The following RBMS3 variants were observed in gnomAD, a reference collection of about 807,000 sequenced individuals.
The protein encoded by RBMS3 is RNA-binding motif, single-stranded-interacting protein 3.
Under a neutral mutation model 66.8 loss-of-function variants are expected in RBMS3, and 27 were observed. That is an observed-to-expected ratio of 0.40 (90% CI 0.30 to 0.56). RBMS3 has a LOEUF of 0.56. Ranked by LOEUF, RBMS3 falls within the 20% of genes least tolerant of loss-of-function variation. The pLI is 0.40. For missense variants in RBMS3, 513 were observed against 549.5 expected (o/e 0.93, Z 0.66); for synonymous variants, 188 against 183.0 (o/e 1.03, Z -0.22).
chr3:29,775,721 C>T (rs910952936), intron 6 of RBMS3, among the ~76,000 whole-genome samples: 1 of 151,832 alleles, frequency 6.6e-6, no homozygotes, highest in Non-Finnish European at 1.5e-5. Flanking sequence ...TAAGTACGTA[C>T]GACCTTCCAG....
intron 4 of RBMS3, among the ~76,000 whole-genome samples, chr3:29,708,534 T>C (rs2053012030): frequency 6.6e-6 from 1 of 152,226 alleles, no homozygotes; most frequent in South Asian, 2.1e-4. Flanking sequence ...TGCTGAAGTA[T>C]TAAAAGCTGT....
chr3:29,681,480 T>A (rs2051492308), intron 4 of RBMS3, among the ~76,000 whole-genome samples: 1 of 151,472 alleles, frequency 6.6e-6, no homozygotes. Flanking sequence ...CATTAGCTAG[T>A]CTTCCTTATG....
intron 3 of RBMS3, among the ~76,000 whole-genome samples, chr3:29,558,601 T>C (rs2046436277): frequency 6.6e-6 from 1 of 152,216 alleles, no homozygotes; most frequent in Non-Finnish European, 1.5e-5. Context: ...AATAAGCTTC[T>C]AGTGTGAGCC....
At chr3:29,558,545 C>A (rs1192543056) in intron 3 of RBMS3, among the ~76,000 whole-genome samples, 1 of 152,168 alleles carries the variant, frequency 6.6e-6, no homozygotes, top group Non-Finnish European at 1.5e-5. Flanking sequence ...CACTAAATTT[C>A]AAAGAATGAT....
chr3:29,482,749 C>T (rs139559080), intron 2 of RBMS3, among the ~76,000 whole-genome samples: 2,487 of 126,000 alleles, frequency 0.02, 39 homozygotes, highest in Middle Eastern at 0.07. Flanking sequence ...GCTCTGTCAC[C>T]CAGGCTGGAG....
chr3:29,468,321 T>A (rs1036432496), intron 2 of RBMS3, among the ~76,000 whole-genome samples: 1 of 152,184 alleles, frequency 6.6e-6, no homozygotes, highest in Admixed American at 6.5e-5. Flanking sequence ...CCAGAAGGCT[T>A]GCGGTTTGAT....
chr3:29,779,471 T>C (rs2056546514), intron 6 of RBMS3, among the ~76,000 whole-genome samples: 1 of 151,550 alleles, frequency 6.6e-6, no homozygotes, highest in South Asian at 2.1e-4. Context: ...TGAGATCTGA[T>C]AATGCTTTTT....
rs376409657 is a variant in RBMS3, at chr3:29,753,209, CTAA to C, written c.558-9699_558-9697del. Among the ~76,000 whole-genome samples, 21 of 152,180 alleles carry C rather than the reference CTAA, an allele frequency of 1.4e-4. 1 individual carries two copies. The highest frequency in any genetic ancestry group is 5.1e-4 in the African/African-American group (21 of 41,490). On this transcript the variant is annotated intron_variant, in intron 5 of 14. Coordinates refer to ENST00000383767, the MANE Select transcript of RBMS3 (RefSeq NM_001003793.3). ...TGAAAGCATTTGCAGTTTTTGGGGA[CTAA>C]TGTTTACATATGTGAAAAACAGGCA...
At chr3:29,721,223 A>T (rs2053629858) in intron 4 of RBMS3, among the ~76,000 whole-genome samples, 1 of 152,182 alleles carries the variant, frequency 6.6e-6, no homozygotes, top group Non-Finnish European at 1.5e-5. Context: ...AAACTATAAC[A>T]GAGGCATTTA....
intron 3 of RBMS3, among the ~76,000 whole-genome samples, chr3:29,580,773 C>T (rs2149083362): frequency 6.6e-6 from 1 of 151,820 alleles, no homozygotes; most frequent in South Asian, 2.1e-4. Flanking sequence ...GTTCCAAAAG[C>T]TGATGTCTTA....
chr3:29,496,203 A>G (rs896438251), intron 3 of RBMS3, among the ~76,000 whole-genome samples: 2 of 151,254 alleles, frequency 1.3e-5, no homozygotes, highest in Non-Finnish European at 2.9e-5. Context: ...ATCAAAAAAA[A>G]AAAAAAAAAA....
chr3:29,992,319 G>C (rs567395234), intron 14 of RBMS3, among the ~76,000 whole-genome samples: 9 of 152,322 alleles, frequency 5.9e-5, no homozygotes, highest in Admixed American at 2.6e-4. Flanking sequence ...GGGCGCAGTG[G>C]CTCACGCCTG....
intron 10 of RBMS3, among the ~76,000 whole-genome samples, chr3:29,932,782 C>T (rs1229680638): frequency 2.0e-5 from 3 of 152,166 alleles, no homozygotes; most frequent in African/African-American, 7.2e-5. Context: ...AACACAGATG[C>T]TTTTCTGGCC....
intron 1 of RBMS3, among the ~76,000 whole-genome samples, chr3:29,388,714 C>T (rs921725109): frequency 2.0e-5 from 3 of 152,150 alleles, no homozygotes; most frequent in East Asian, 1.9e-4. Context: ...TACAGGCAAC[C>T]GCCACTATGC....
At chr3:29,800,578 G>A (rs576347168) in intron 6 of RBMS3, among the ~76,000 whole-genome samples, 1 of 152,020 alleles carries the variant, frequency 6.6e-6, no homozygotes, top group South Asian at 2.1e-4. Context: ...AAATTTCAAA[G>A]GTTATGTACA....
At position 29,998,114 on chromosome 3, in the gene RBMS3, A is replaced by G. The variant is rs148136944; in HGVS notation, c.1308-5742A>G. ...ATGTACAAAAATCACAAGAACTCTT[A>G]TACACCAATAACAGACAAACAGCCA... On this transcript the variant is annotated intron_variant, in intron 14 of 14. Transcript: ENST00000383767. Among the ~76,000 whole-genome samples the G allele has an allele frequency of 4.3e-4, 66 of 152,360 alleles. No individual in the cohort carries two copies. The East Asian group carries it at 0.013, about 29-fold the overall frequency.
At chr3:29,922,650 T>C (rs2060823173) in intron 10 of RBMS3, among the ~76,000 whole-genome samples, 1 of 152,226 alleles carries the variant, frequency 6.6e-6, no homozygotes, top group Non-Finnish European at 1.5e-5. Flanking sequence ...GCATATATAC[T>C]ATAATTTGAG....
intron 8 of RBMS3, among the ~76,000 whole-genome samples, chr3:29,890,308 C>G (rs1275903166): frequency 6.6e-6 from 1 of 151,622 alleles, no homozygotes; most frequent in African/African-American, 2.4e-5. Context: ...ATTTAAACAA[C>G]TTACTCAACA....
intron 1 of RBMS3, among the ~76,000 whole-genome samples, chr3:29,389,637 T>C (rs1387223652): frequency 6.6e-6 from 1 of 152,230 alleles, no homozygotes; most frequent in African/African-American, 2.4e-5. Context: ...GTGATAAATA[T>C]GCTTAGCAAA....
Sources: gnomAD v4.1 joint callset for allele counts (sites outside exome capture counted in the v4.1 genomes callset) on GRCh38, gnomAD v4.1.1 for gene constraint, MANE v1.5 for transcripts, NCBI Gene and HGNC (gene_info 2026-07-23, HGNC 2026-07-21) for gene names.